Variants in PLCB1 observed in about 807,000 individuals in gnomAD.
The protein encoded by PLCB1 is 1-phosphatidylinositol 4,5-bisphosphate phosphodiesterase beta-1.
In PLCB1, 46 loss-of-function variants were observed where a neutral mutation model predicts 161.8. The ratio of observed to expected loss-of-function variants is 0.28; its 90% CI spans 0.22 to 0.36. PLCB1 has a LOEUF of 0.36. Among genes scored for constraint, PLCB1 ranks in the 10% least tolerant of loss-of-function variants. The pLI is 1.00. For synonymous variants in PLCB1, 517 were observed against 503.7 expected, an observed-to-expected ratio of 1.03 and a Z score of -0.35; for missense variants, 1,016 against 1,472.5, an observed-to-expected ratio of 0.69 and a Z score of 5.07.
chr20:8,799,285 T>C (rs1035376471), intron 31 of PLCB1, among the ~76,000 whole-genome samples: 4 of 152,184 alleles, frequency 2.6e-5, no homozygotes, highest in Non-Finnish European at 5.9e-5. Context: ...TTGGTGGGGT[T>C]CAGCGTCTTC....
intron 3 of PLCB1, among the ~76,000 whole-genome samples, chr20:8,418,579 T>A (rs1336583471): frequency 6.6e-6 from 1 of 152,100 alleles, no homozygotes; most frequent in Non-Finnish European, 1.5e-5. Flanking sequence ...AAATTATTCA[T>A]TTAATATAAA....
At chr20:8,443,422 GA>G (rs1339102027) in intron 3 of PLCB1, among the ~76,000 whole-genome samples, 1 of 152,220 alleles carries the variant, frequency 6.6e-6, no homozygotes, top group Non-Finnish European at 1.5e-5. Flanking sequence ...GGTAATGGAA[GA>G]GTATGCTATT....
intron 9 of PLCB1, among the ~76,000 whole-genome samples, chr20:8,667,491 T>G (rs1373871194): frequency 1.3e-5 from 2 of 152,222 alleles, no homozygotes; most frequent in Non-Finnish European, 2.9e-5. Context: ...TTTCCGTTAT[T>G]ACATTTCCTT....
At chr20:8,377,695 A>G (rs1987132908) in intron 3 of PLCB1, among the ~76,000 whole-genome samples, 1 of 152,212 alleles carries the variant, frequency 6.6e-6, no homozygotes, top group Non-Finnish European at 1.5e-5. Context: ...ATTCTAGAAC[A>G]ACTATTAGTG....
intron 31 of PLCB1, among the ~76,000 whole-genome samples, chr20:8,832,253 T>G (rs1986049560): frequency 6.6e-6 from 1 of 152,172 alleles, no homozygotes; most frequent in Admixed American, 6.5e-5. Flanking sequence ...ATAATAAAAT[T>G]TAGCATCTTA....
chr20:8,386,479 A>G (rs1987429661), intron 3 of PLCB1, among the ~76,000 whole-genome samples: 1 of 152,254 alleles, frequency 6.6e-6, no homozygotes, highest in Admixed American at 6.5e-5. Context: ...TAAGGTATTT[A>G]GTACACCATG....
intron 28 of PLCB1, 24 bp downstream of exon 28, chr20:8,788,549 T>C (rs1983600282): frequency 6.2e-7 from 1 of 1,606,756 alleles, no homozygotes; most frequent in African/African-American, 1.3e-5. Flanking sequence ...CCCATTACAA[T>C]TGACATGTGC....
intron 26 of PLCB1, among the ~76,000 whole-genome samples, chr20:8,766,593 C>T (rs1982328191): frequency 6.6e-6 from 1 of 152,198 alleles, no homozygotes; most frequent in Non-Finnish European, 1.5e-5. Flanking sequence ...TTCTTTAGAG[C>T]TAGAGCAAGC....
chr20:8,730,640 A>C (rs73081939), intron 18 of PLCB1, among the ~76,000 whole-genome samples: 6 of 151,614 alleles, frequency 4.0e-5, no homozygotes, highest in Non-Finnish European at 7.4e-5. Flanking sequence ...CTAAAAAAAA[A>C]CTATTTTTAA....
At chr20:8,533,766 C>T (rs1351323863) in intron 3 of PLCB1, among the ~76,000 whole-genome samples, 1 of 151,394 alleles carries the variant, frequency 6.6e-6, no homozygotes. Context: ...GGATATTAGC[C>T]CTTTGTCAGA....
chr20:8,870,013 A>G (rs554232734), intron 31 of PLCB1, among the ~76,000 whole-genome samples: 1 of 152,244 alleles, frequency 6.6e-6, no homozygotes, highest in Non-Finnish European at 1.5e-5. Flanking sequence ...AAGCCTCTGC[A>G]TAGGCCATGC....
intron 4 of PLCB1, among the ~76,000 whole-genome samples, chr20:8,641,881 A>C (rs1988967803): frequency 6.6e-6 from 1 of 152,168 alleles, no homozygotes; most frequent in Admixed American, 6.6e-5. Flanking sequence ...ATGATCATGT[A>C]TTTATTATAA....
chr20:8,132,529 G>T lies in PLCB1; in HGVS notation c.-123G>T. 1 of 492,862 alleles carries T rather than the reference G, an allele frequency of 2.0e-6. No individual in the cohort carries two copies. Among genetic ancestry groups the T allele is most frequent in the Non-Finnish European group, 3.4e-6 (1 of 297,770 alleles). 30.5% of individuals were successfully genotyped at this position (492,862 alleles called of 1,614,324 possible). A position where few individuals can be genotyped will look rare whatever the true frequency, so the allele number is the denominator to read the frequency against. On this transcript the variant is annotated 5_prime_UTR_variant, in exon 1 of 32. Transcript: ENST00000338037. The surrounding 1 kb of genome is among the most constrained non-coding windows in gnomAD (Gnocchi z 5.2). ...GGCCGGGAGGCCGGGGAGGCCGGCGGGGAGCAGAGTCGAGCGCCTCCGGAG... is the reference window on the plus strand; with the variant it reads ...GGCCGGGAGGCCGGGGAGGCCGGCGTGGAGCAGAGTCGAGCGCCTCCGGAG...
intron 4 of PLCB1, among the ~76,000 whole-genome samples, chr20:8,631,028 C>T (rs1034562432): frequency 2.0e-5 from 3 of 152,172 alleles, no homozygotes; most frequent in African/African-American, 7.2e-5. Context: ...ATTTTGCCTT[C>T]CCTGGCTGTG....
Position 8,284,328 on chromosome 20 carries a change from C to T in PLCB1, c.178-87054C>T, listed in dbSNP as rs1396434702. ...TCCTTCTATTGACTTTACCCAAGGA[C>T]TTGGGTGATTGTATAGAATTCATTA... On this transcript the variant is annotated intron_variant, in intron 2 of 31. Transcript: ENST00000338037. 2.6e-5 allele frequency among the ~76,000 whole-genome samples: 4 copies of T among 152,076 alleles called. No individual in the cohort carries two copies. In the East Asian group the frequency reaches 7.7e-4, roughly 29 times the overall value.
At chr20:8,372,290 T>C (rs1422577311) in intron 3 of PLCB1, 18 of 152,322 alleles carry the variant, frequency 1.2e-4, no homozygotes. Flanking sequence ...TTTTGTTTTA[T>C]CTTTTAAAAG....
intron 2 of PLCB1, among the ~76,000 whole-genome samples, chr20:8,283,094 T>C (rs1438939285): frequency 4.6e-5 from 7 of 152,166 alleles, no homozygotes; most frequent in Non-Finnish European, 1.5e-5. Context: ...ACAGTCACCT[T>C]CCAGTAAGAA....
At chr20:8,609,740 C>T (rs1238000266) in intron 3 of PLCB1, among the ~76,000 whole-genome samples, 4 of 152,070 alleles carry the variant, frequency 2.6e-5, no homozygotes, top group African/African-American at 9.7e-5. Context: ...ATCTCCTGGG[C>T]TCAAGCAATC....
intron 3 of PLCB1, among the ~76,000 whole-genome samples, chr20:8,612,820 C>T (rs1325166622): frequency 2.6e-5 from 4 of 152,186 alleles, no homozygotes; most frequent in Non-Finnish European, 4.4e-5. Flanking sequence ...ATACTCTACC[C>T]CTGAGCTGTA....
Sources: gnomAD v4.1 joint callset for allele counts (sites outside exome capture counted in the v4.1 genomes callset) on GRCh38, gnomAD v4.1.1 for gene constraint, Gnocchi (gnomAD v3.1) non-coding constraint, MANE v1.5 for transcripts, NCBI Gene and HGNC (gene_info 2026-07-23, HGNC 2026-07-21) for gene names.